LPL: variants seen among roughly 807,000 people sequenced by gnomAD.
The protein encoded by LPL is phospholipase A1.
In LPL, 43 loss-of-function variants were observed where a neutral mutation model predicts 52.2. The observed-to-expected ratio is 0.82, with a 90% CI of 0.64 to 1.06. The LOEUF (loss-of-function observed/expected upper bound fraction) is 1.06. LPL is among the 50% of genes least tolerant of loss of function. LPL has a pLI of 0.00. For missense variants in LPL, 639 were observed against 585.3 expected (o/e 1.09, Z -0.95); for synonymous variants, 244 against 215.6 (o/e 1.13, Z -1.15).
At chr8:19,965,024 T>C (rs2128840366) in intron 9 of LPL, among the ~76,000 whole-genome samples, 1 of 152,324 alleles carries the variant, frequency 6.6e-6, no homozygotes, top group Middle Eastern at 3.4e-3. Context: ...GTTTGATACA[T>C]TTTAGAATAA....
At chr8:19,961,406 TTA>T (rs1198926997) in intron 8 of LPL, among the ~76,000 whole-genome samples, 1 of 151,898 alleles carries the variant, frequency 6.6e-6, no homozygotes, top group Admixed American at 6.6e-5. Flanking sequence ...TACAAAATAG[TTA>T]GGGAACAAAC....
At chr8:19,940,375 C>A (rs550028800) in intron 1 of LPL, among the ~76,000 whole-genome samples, 3 of 152,282 alleles carry the variant, frequency 2.0e-5, no homozygotes, top group Admixed American at 6.5e-5. Context: ...CAGCTCCGGG[C>A]GCCCGGCCCC....
In LPL at chr8:19,950,532, G is replaced by T. The variant is rs903212189; in HGVS notation, c.250-1237G>T. Among the ~76,000 whole-genome samples, 2 of 152,234 alleles carry T rather than the reference G, an allele frequency of 1.3e-5. No homozygotes were observed. Among genetic ancestry groups the T allele is most frequent in the Non-Finnish European group, 2.9e-5 (2 of 68,046 alleles). On this transcript the variant is annotated intron_variant, in intron 2 of 9. Coordinates refer to ENST00000650287, the MANE Select transcript of LPL (RefSeq NM_000237.3). The surrounding 1 kb of genome is among the most constrained non-coding windows in gnomAD (Gnocchi z 4.2). ...TGGAAACACTGGGCTGGGAGCGGTG[G>T]CTCATGCCTGTGATCCCAGCACTCT...
intron 2 of LPL, among the ~76,000 whole-genome samples, chr8:19,949,913 T>C (rs2069918284): frequency 6.6e-6 from 1 of 152,194 alleles, no homozygotes; most frequent in East Asian, 1.9e-4. Context: ...CATCTCAATC[T>C]TATCCCTGAG....
intron 9 of LPL, among the ~76,000 whole-genome samples, chr8:19,963,970 G>C (rs1050570836): frequency 6.7e-6 from 1 of 149,562 alleles, no homozygotes; most frequent in African/African-American, 2.5e-5. Flanking sequence ...TTTTTTTCTT[G>C]AGATGGAGTT....
At chr8:19,943,802 G>A (rs1237206532) in intron 1 of LPL, among the ~76,000 whole-genome samples, 2 of 152,106 alleles carry the variant, frequency 1.3e-5, no homozygotes, top group East Asian at 1.9e-4. Flanking sequence ...AGTGTGGAAG[G>A]TTAGCCCTAA....
At chr8:19,947,919 AG>A (rs2128836926) in intron 1 of LPL, among the ~76,000 whole-genome samples, 1 of 152,300 alleles carries the variant, frequency 6.6e-6, no homozygotes, top group Non-Finnish European at 1.5e-5. Flanking sequence ...ACCCTGACTA[AG>A]GAGAGCTTCA....
At chr8:19,953,997 G>A in intron 4 of LPL, 123 bp from the exon 5 acceptor site, 2 of 756,480 alleles carry the variant, frequency 2.6e-6, no homozygotes, top group Non-Finnish European at 4.8e-6. Flanking sequence ...TACCATGACT[G>A]TAGAATAGGA....
In LPL at chr8:19,943,174, A is replaced by C. The variant is rs569179526; in HGVS notation, c.88+3646A>C. On this transcript the variant is annotated intron_variant, in intron 1 of 9. Coordinates refer to ENST00000650287, the MANE Select transcript of LPL (RefSeq NM_000237.3). The stretch of plus-strand genomic sequence containing the variant: ...TAAATGTTGAAGTCTCTTTCTATGC[A>C]GTCAGGTAGGGGTAATACCATTCTG... Among the ~76,000 whole-genome samples, 335 of 152,206 alleles carry C rather than the reference A, an allele frequency of 2.2e-3. 3 individuals carry two copies. The highest frequency in any genetic ancestry group is 9.0e-4 in the Non-Finnish European group (61 of 68,048).
chr8:19,956,180 T>C (rs1181372795), intron 6 of LPL, 97 bp downstream of exon 6: 18 of 1,529,344 alleles, frequency 1.2e-5, no homozygotes, highest in Admixed American at 1.7e-5. Context: ...GGAACAGAGA[T>C]GATGACTGGT....
chr8:19,953,267 T>A, intron 3 of LPL, 43 bp from the exon 4 acceptor site: 3 of 1,187,842 alleles, frequency 2.5e-6, no homozygotes, highest in Non-Finnish European at 3.8e-6. Flanking sequence ...AGTTTTATTT[T>A]TGGCAGAACT....
intron 7 of LPL, among the ~76,000 whole-genome samples, chr8:19,960,170 T>C (rs1026591639): frequency 6.6e-6 from 1 of 152,156 alleles, no homozygotes; most frequent in African/African-American, 2.4e-5. Context: ...TCTTTAAAAA[T>C]AGCCAGTGCA....
In LPL at chr8:19,955,885, CT is replaced by C; in HGVS notation, c.821del (p.Leu274ProfsTer7). On this transcript the variant is annotated frameshift_variant, in exon 6 of 10. Coordinates refer to ENST00000650287, the MANE Select transcript of LPL (RefSeq NM_000237.3). LOFTEE classifies it high-confidence loss of function. ...VKCSHERSIH[L>X]FIDSLLNEEN... ...GTGCTCCCACGAGCGCTCCATTCAT[CT>C]CTTCATCGACTCTCTGTTGAATGAA... The C allele has an allele frequency of 6.2e-7, 1 of 1,614,202 alleles. No individual in the cohort carries two copies. Among genetic ancestry groups the C allele is most frequent in the Non-Finnish European group, 8.5e-7 (1 of 1,180,030 alleles).
chr8:19,951,003 G>C (rs2069929999), intron 2 of LPL, among the ~76,000 whole-genome samples: 1 of 152,026 alleles, frequency 6.6e-6, no homozygotes. Flanking sequence ...ACTTCTGATA[G>C]AGGCCTAGAG....
In LPL at chr8:19,955,976, G is replaced by A. The variant is rs769886647; in HGVS notation, c.911G>A (p.Ser304Asn). The A allele has an allele frequency of 6.2e-7, 1 of 1,614,178 alleles. No homozygotes were observed. Among genetic ancestry groups the A allele is most frequent in the Non-Finnish European group, 8.5e-7 (1 of 1,180,034 alleles). ...KEAFEKGLCLSCRKNRCNNLG... is the reference protein window; with the variant it reads ...KEAFEKGLCLNCRKNRCNNLG... Reference sequence around the variant, plus strand: ...GCCTTTGAGAAAGGGCTCTGCTTGAGTTGTAGAAAGAACCGCTGCAACAAT... The same window carrying A: ...GCCTTTGAGAAAGGGCTCTGCTTGAATTGTAGAAAGAACCGCTGCAACAAT... The change falls in exon 6 of 10, where the codon AGT becomes AAT. Residue 304 changes from serine to asparagine, a missense_variant. By Grantham distance (46) the Ser-to-Asn change is conservative. Transcript: ENST00000650287.
intron 9 of LPL, among the ~76,000 whole-genome samples, chr8:19,963,545 T>G (rs1230604798): frequency 1.3e-5 from 2 of 152,152 alleles, no homozygotes; most frequent in East Asian, 3.9e-4. Flanking sequence ...ATGTTTACTA[T>G]AAATAGATTA....
intron 4 of LPL, 90 bp from the exon 5 acceptor site, chr8:19,954,030 G>T (rs929096192): frequency 6.9e-6 from 6 of 875,652 alleles, no homozygotes; most frequent in African/African-American, 1.6e-5. Context: ...CTAAATAGCT[G>T]CCAGTGCATT....
chr8:19,948,340 G>T lies in LPL; in HGVS notation c.249G>T (p.Thr83=). The T allele has an allele frequency of 6.2e-7, 1 of 1,613,716 alleles. No individual in the cohort carries two copies. ...SKTFMVIHGW[T]VTGMYESWVP... ...CCTTCATGGTGATCCATGGCTGGAC[G>T]GTAAGGGAGGCTCTTTGGGGAAGAG... Residue 83 remains threonine (T), a splice_region_variant and synonymous_variant, in exon 2 of 10, where the codon ACG becomes ACT. Transcript: ENST00000650287.
chr8:19,954,333 T>A lies in LPL; in HGVS notation c.755T>A (p.Ile252Asn). Residue 252 changes from isoleucine to asparagine, a missense_variant, in exon 5 of 10, where the codon ATT becomes AAT. Coordinates refer to ENST00000650287, the MANE Select transcript of LPL (RefSeq NM_000237.3). ...GCNIGEAIRV[I>N]AERGLGDVDQ... is the part of the protein sequence containing the mutation. Reference sequence around the variant, plus strand: ...AACATTGGAGAAGCTATCCGCGTGATTGCAGAGAGAGGACTTGGAGGTAAA... The same window carrying A: ...AACATTGGAGAAGCTATCCGCGTGAATGCAGAGAGAGGACTTGGAGGTAAA... 6.2e-7 allele frequency: 1 copy of A among 1,614,076 alleles called. No individual in the cohort carries two copies. The highest frequency in any genetic ancestry group is 8.5e-7 in the Non-Finnish European group (1 of 1,179,914).
Sources: gnomAD v4.1 joint callset for allele counts (sites outside exome capture counted in the v4.1 genomes callset) on GRCh38, gnomAD v4.1.1 for gene constraint, Gnocchi (gnomAD v3.1) non-coding constraint, MANE v1.5 for transcripts, NCBI Gene and HGNC (gene_info 2026-07-23, HGNC 2026-07-21) for gene names.